The following DLGAP1 variants were observed in gnomAD, a reference collection of about 807,000 sequenced individuals.
DLGAP1 encodes the protein DLG associated protein 1, also known as disks large-associated protein 1.
Under a neutral mutation model 90.8 loss-of-function variants are expected in DLGAP1, and 11 were observed. The ratio of observed to expected loss-of-function variants is 0.12; its 90% CI spans 0.08 to 0.20. DLGAP1 has a LOEUF of 0.20. DLGAP1 is among the 10% of genes least tolerant of loss of function. The pLI, the probability that DLGAP1 is intolerant of heterozygous loss-of-function variation, is 1.00. For synonymous variants in DLGAP1, 558 were observed against 540.7 expected, an observed-to-expected ratio of 1.03 and a Z score of -0.44; for missense variants, 1,050 against 1,333.8, an observed-to-expected ratio of 0.79 and a Z score of 3.31.
intron 6 of DLGAP1, among the ~76,000 whole-genome samples, chr18:3,732,615 T>C (rs1019136600): frequency 4.6e-5 from 7 of 152,218 alleles, no homozygotes; most frequent in Non-Finnish European, 1.5e-5. Flanking sequence ...TTTAAGTCAA[T>C]TGAAATAATT....
chr18:4,170,427 A>T (rs1279737932), intron 1 of DLGAP1, among the ~76,000 whole-genome samples: 1 of 152,176 alleles, frequency 6.6e-6, no homozygotes, highest in African/African-American at 2.4e-5. Context: ...GATTTATATT[A>T]TGGAAAAATC....
chr18:3,894,225 AT>A (rs1417522511), intron 3 of DLGAP1, among the ~76,000 whole-genome samples: 1 of 151,986 alleles, frequency 6.6e-6, no homozygotes, highest in Non-Finnish European at 1.5e-5. Flanking sequence ...TTGAAATCCC[AT>A]TTGTTTATTT....
rs190946266 is a variant in DLGAP1, at chr18:4,171,019, G to T, written c.-266-19732C>A. ...TGCATGAGTATATGCGCTCATATATGTGTGTAAATATCATAAATAGGATAT... is the reference window on the plus strand; with the variant it reads ...TGCATGAGTATATGCGCTCATATATTTGTGTAAATATCATAAATAGGATAT... On this transcript the variant is annotated intron_variant, in intron 1 of 12. Coordinates refer to ENST00000315677, the MANE Select transcript of DLGAP1 (RefSeq NM_004746.4). Among the ~76,000 whole-genome samples, 512 of 152,120 alleles carry T rather than the reference G, an allele frequency of 3.4e-3. 1 individual carries two copies. Among genetic ancestry groups the T allele is most frequent in the Middle Eastern group, 0.014 (4 of 294 alleles).
intron 1 of DLGAP1, among the ~76,000 whole-genome samples, chr18:4,223,240 T>C (rs1217020273): frequency 2.6e-5 from 4 of 152,210 alleles, no homozygotes; most frequent in Non-Finnish European, 5.9e-5. Context: ...CATATAAAAA[T>C]ACATTTTCTT....
At chr18:3,844,355 T>C (rs1435518928) in intron 4 of DLGAP1, among the ~76,000 whole-genome samples, 1 of 152,218 alleles carries the variant, frequency 6.6e-6, no homozygotes, top group Non-Finnish European at 1.5e-5. Flanking sequence ...AAGAAAAATA[T>C]GATAATTTCT....
At chr18:4,018,962 T>G (rs2074565241) in intron 2 of DLGAP1, among the ~76,000 whole-genome samples, 2 of 152,326 alleles carry the variant, frequency 1.3e-5, no homozygotes, top group South Asian at 4.1e-4. Context: ...ACTCAAGGCT[T>G]TAAAAAGGAA....
chr18:4,053,567 G>C (rs2075168100), intron 2 of DLGAP1, among the ~76,000 whole-genome samples: 1 of 152,172 alleles, frequency 6.6e-6, no homozygotes, highest in Non-Finnish European at 1.5e-5. Context: ...AGATCTGGTT[G>C]TTTGGAAGTA....
chr18:3,911,513 G>A (rs552151355), intron 3 of DLGAP1, among the ~76,000 whole-genome samples: 6 of 152,284 alleles, frequency 3.9e-5, no homozygotes, highest in African/African-American at 1.4e-4. Flanking sequence ...AGAACATTTG[G>A]AATAACTAGG....
intron 5 of DLGAP1, among the ~76,000 whole-genome samples, chr18:3,762,241 A>C (rs1197376752): frequency 6.6e-6 from 1 of 152,252 alleles, no homozygotes; most frequent in East Asian, 1.9e-4. Flanking sequence ...CAATTTCATA[A>C]GCAGTTAGAG....
At chr18:4,088,282 T>C (rs1473268146) in intron 2 of DLGAP1, among the ~76,000 whole-genome samples, 2 of 152,208 alleles carry the variant, frequency 1.3e-5, no homozygotes, top group African/African-American at 4.8e-5. Context: ...TGATCTTTTG[T>C]GCTGCTGTTG....
intron 2 of DLGAP1, among the ~76,000 whole-genome samples, chr18:4,108,367 G>A (rs112439990): frequency 0.013 from 1,985 of 152,140 alleles, 54 homozygotes; most frequent in African/African-American, 0.046. Context: ...AGTTTTTCCT[G>A]GGGCTTTGGG....
At chr18:4,203,587 T>G (rs2077654943) in intron 1 of DLGAP1, among the ~76,000 whole-genome samples, 1 of 152,136 alleles carries the variant, frequency 6.6e-6, no homozygotes, top group African/African-American at 2.4e-5. Flanking sequence ...AGCTTTTAGA[T>G]CTCATAAAAC....
At chr18:3,920,542 T>C (rs2072247463) in intron 3 of DLGAP1, among the ~76,000 whole-genome samples, 1 of 152,172 alleles carries the variant, frequency 6.6e-6, no homozygotes, top group African/African-American at 2.4e-5. Context: ...TCAGTACGTC[T>C]ATCTTCACAT....
intron 2 of DLGAP1, among the ~76,000 whole-genome samples, chr18:4,090,034 G>C (rs1400957709): frequency 6.6e-6 from 1 of 151,846 alleles, no homozygotes; most frequent in Non-Finnish European, 1.5e-5. Flanking sequence ...GATAGAGGGG[G>C]ACTCCGTCTA....
intron 3 of DLGAP1, among the ~76,000 whole-genome samples, chr18:3,922,371 G>A (rs186080566): frequency 3.3e-5 from 5 of 152,314 alleles, no homozygotes; most frequent in Admixed American, 3.3e-4. Context: ...CTTTACCCCT[G>A]GAGAAGAATT....
chr18:3,631,037 G>C (rs1285079823), intron 7 of DLGAP1, among the ~76,000 whole-genome samples: 1 of 151,998 alleles, frequency 6.6e-6, no homozygotes, highest in African/African-American at 2.4e-5. Flanking sequence ...CTGGGGTGCA[G>C]TGGTGCAATT....
intron 6 of DLGAP1, among the ~76,000 whole-genome samples, chr18:3,737,063 T>G (rs2062676016): frequency 6.7e-6 from 1 of 148,714 alleles, no homozygotes; most frequent in South Asian, 2.2e-4. Context: ...CTCCCAAGAC[T>G]AAACCAGGAA....
intron 12 of DLGAP1, 179 bp downstream of exon 12, chr18:3,502,314 C>T (rs1207605572): frequency 3.0e-6 from 4 of 1,353,836 alleles, no homozygotes; most frequent in African/African-American, 3.0e-5. Flanking sequence ...ATGCCTGAAA[C>T]ATATTACAGA....
At chr18:3,561,531 A>G (rs964936889) in intron 9 of DLGAP1, among the ~76,000 whole-genome samples, 13 of 149,560 alleles carry the variant, frequency 8.7e-5, no homozygotes, top group Non-Finnish European at 1.9e-4. Context: ...ACTTCTTAAC[A>G]TTTCTTGAAG....
Sources: allele counts gnomAD v4.1 joint callset (sites outside exome capture counted in the v4.1 genomes callset), GRCh38; gene constraint gnomAD v4.1.1; transcripts MANE v1.5; gene names NCBI Gene and HGNC (gene_info 2026-07-23, HGNC 2026-07-21).